TENM4: variants seen among roughly 807,000 people sequenced by gnomAD.
The protein encoded by TENM4 is teneurin-4.
A neutral mutation model predicts 243.3 loss-of-function variants in TENM4; 82 were observed. The observed-to-expected ratio is 0.34, with a 90% CI of 0.28 to 0.40. The LOEUF (loss-of-function observed/expected upper bound fraction) is 0.40. TENM4 is among the 10% of genes least tolerant of loss of function. TENM4 has a pLI of 1.00. For missense variants in TENM4, 3,138 were observed against 3,673.3 expected, an observed-to-expected ratio of 0.85 and a Z score of 3.77; for synonymous variants, 1,412 against 1,456.3, an observed-to-expected ratio of 0.97 and a Z score of 0.69.
At chr11:78,741,465 G>A (rs890839295) in intron 19 of TENM4, among the ~76,000 whole-genome samples, 4 of 152,144 alleles carry the variant, frequency 2.6e-5, no homozygotes, top group Non-Finnish European at 4.4e-5. Context: ...GCCATTATGC[G>A]GTACTGCCAC....
intron 19 of TENM4, among the ~76,000 whole-genome samples, chr11:78,742,553 A>C (rs2135915329): frequency 6.6e-6 from 1 of 152,318 alleles, no homozygotes; most frequent in South Asian, 2.1e-4. Flanking sequence ...CAGTGAGTCA[A>C]CACTTGGGTT....
At chr11:79,235,323 A>G (rs1864444885) in intron 2 of TENM4, among the ~76,000 whole-genome samples, 1 of 152,014 alleles carries the variant, frequency 6.6e-6, no homozygotes, top group Admixed American at 6.5e-5. Context: ...TCCAAAAAAA[A>G]ATGAAGTCTC....
chr11:78,871,247 A>T (rs1344799198), intron 9 of TENM4, among the ~76,000 whole-genome samples: 6 of 152,150 alleles, frequency 3.9e-5, no homozygotes, highest in Non-Finnish European at 8.8e-5. Context: ...TGATAATAAT[A>T]CCTAGCTTTG....
chr11:78,903,680 G>T, intron 6 of TENM4, 157 bp from the exon 7 acceptor site: 1 of 1,217,224 alleles, frequency 8.2e-7, no homozygotes, highest in Non-Finnish European at 1.2e-6. Context: ...GTTGTTTATT[G>T]AGCACCTACC....
chr11:79,068,610 C>A (rs549664559), intron 5 of TENM4, among the ~76,000 whole-genome samples: 8 of 152,290 alleles, frequency 5.3e-5, no homozygotes, highest in Admixed American at 5.2e-4. Context: ...CATTACATAG[C>A]ACAGTGCTCA....
At chr11:79,404,241 A>G (rs189092509) in intron 1 of TENM4, among the ~76,000 whole-genome samples, 4 of 152,390 alleles carry the variant, frequency 2.6e-5, no homozygotes, top group Admixed American at 6.5e-5. Flanking sequence ...TTTGGTTTCA[A>G]TTGCAAAGAA....
chr11:78,721,187 C>T (rs1392513353), intron 24 of TENM4, among the ~76,000 whole-genome samples: 1 of 152,216 alleles, frequency 6.6e-6, no homozygotes, highest in Non-Finnish European at 1.5e-5. Flanking sequence ...CACAAATACG[C>T]TCAAAGAATC....
intron 6 of TENM4, among the ~76,000 whole-genome samples, chr11:78,927,299 A>C (rs1856573936): frequency 6.6e-6 from 1 of 152,246 alleles, no homozygotes; most frequent in African/African-American, 2.4e-5. Flanking sequence ...TTATTTTCAA[A>C]GAAAAGGACC....
At chr11:79,437,492 G>A (rs1859298209) in intron 1 of TENM4, among the ~76,000 whole-genome samples, 1 of 152,144 alleles carries the variant, frequency 6.6e-6, no homozygotes, top group East Asian at 1.9e-4. Context: ...GGTCTTCTCG[G>A]CTCCAGTTTC....
intron 12 of TENM4, among the ~76,000 whole-genome samples, chr11:78,820,870 A>C (rs988159971): frequency 1.9e-4 from 29 of 152,274 alleles, no homozygotes; most frequent in African/African-American, 7.0e-4. Context: ...GGCTCCTGCC[A>C]ACATCTGAAA....
chr11:78,674,123 T>G (rs1198707116), intron 30 of TENM4, among the ~76,000 whole-genome samples: 13 of 152,148 alleles, frequency 8.5e-5, no homozygotes, highest in Admixed American at 8.5e-4. Context: ...CCCTGGAGGA[T>G]CTCTAGTGAA....
At chr11:79,089,256 GC>G (rs908374096) in intron 4 of TENM4, among the ~76,000 whole-genome samples, 2 of 152,204 alleles carry the variant, frequency 1.3e-5, no homozygotes, top group African/African-American at 4.8e-5. Flanking sequence ...AGAGGGCCAG[GC>G]CCCACAACAG....
intron 1 of TENM4, among the ~76,000 whole-genome samples, chr11:79,311,620 T>C (rs1219135005): frequency 6.6e-6 from 1 of 152,234 alleles, no homozygotes; most frequent in East Asian, 1.9e-4. Context: ...TATGTGCCTC[T>C]TTCTGGTTTA....
At chr11:78,785,698 A>G (rs1474958599) in intron 16 of TENM4, among the ~76,000 whole-genome samples, 1 of 152,242 alleles carries the variant, frequency 6.6e-6, no homozygotes, top group Non-Finnish European at 1.5e-5. Context: ...AATAAATGTA[A>G]GGTATTCCAT....
intron 12 of TENM4, among the ~76,000 whole-genome samples, chr11:78,837,711 CAT>C (rs975374170): frequency 3.5e-4 from 53 of 152,318 alleles, no homozygotes; most frequent in Admixed American, 1.5e-3. Flanking sequence ...TATTAATACA[CAT>C]GTTTATATTG....
At chr11:79,027,789 T>G (rs1027907115) in intron 6 of TENM4, among the ~76,000 whole-genome samples, 1 of 152,182 alleles carries the variant, frequency 6.6e-6, no homozygotes, top group African/African-American at 2.4e-5. Flanking sequence ...CTGTCAAGAC[T>G]CCACAATAGC....
intron 18 of TENM4, among the ~76,000 whole-genome samples, chr11:78,770,171 C>T (rs1856618669): frequency 6.6e-6 from 1 of 152,166 alleles, no homozygotes; most frequent in Non-Finnish European, 1.5e-5. Flanking sequence ...GTGGGAGAAT[C>T]AGGAAGGATT....
intron 1 of TENM4, among the ~76,000 whole-genome samples, chr11:79,358,929 C>CT (rs901803288): frequency 2.0e-5 from 3 of 147,298 alleles, no homozygotes; most frequent in Non-Finnish European, 3.0e-5. Flanking sequence ...TTTTTGCAAA[C>CT]TTTTTTTTAA....
intron 6 of TENM4, among the ~76,000 whole-genome samples, chr11:78,914,548 C>G (rs1856270547): frequency 6.6e-6 from 1 of 152,168 alleles, no homozygotes; most frequent in African/African-American, 2.4e-5. Flanking sequence ...GAGCCTCAAC[C>G]TCCTGCCTGA....
Sources: gnomAD v4.1 joint callset for allele counts (sites outside exome capture counted in the v4.1 genomes callset) on GRCh38, gnomAD v4.1.1 for gene constraint, MANE v1.5 for transcripts, NCBI Gene and HGNC (gene_info 2026-07-23, HGNC 2026-07-21) for gene names.